P2RY8: variants seen among roughly 807,000 people sequenced by gnomAD.
P2RY8 encodes P2Y receptor family member 8, also known as S-geranylgeranyl-glutathione receptor P2RY8.
P2RY8 carries 6 observed loss-of-function variants against 10.0 expected under a neutral mutation model. The ratio of observed to expected loss-of-function variants is 0.60; its 90% CI spans 0.33 to 1.19. The LOEUF (loss-of-function observed/expected upper bound fraction) is 1.19, where lower values mean the gene tolerates loss of function less well. P2RY8 is among the 50% of genes most tolerant of loss of function. The pLI is 0.04. For missense variants in P2RY8, 456 were observed against 542.0 expected, an observed-to-expected ratio of 0.84 and a Z score of 1.58; for synonymous variants, 276 against 252.5, an observed-to-expected ratio of 1.09 and a Z score of -0.88.
intron 1 of P2RY8, among the ~76,000 whole-genome samples, chrX:1,478,433 G>C (rs2091900500): frequency 6.6e-6 from 1 of 151,920 alleles, no homozygotes; most frequent in African/African-American, 2.4e-5. Context: ...GAAGAGAGTT[G>C]GTGGTTTTCA....
chrX:1,476,102 A>C (rs761264406), intron 1 of P2RY8, among the ~76,000 whole-genome samples: 6 of 152,262 alleles, frequency 3.9e-5, no homozygotes, highest in Admixed American at 2.0e-4. Context: ...GACCCCTTCC[A>C]GCTCCAGGAG....
In P2RY8 at chrX:1,518,147, C is replaced by T. The variant is rs776390138; in HGVS notation, c.-25+18774G>A. On this transcript the variant is annotated intron_variant, in intron 1 of 1. Coordinates refer to ENST00000381297, the MANE Select transcript of P2RY8 (RefSeq NM_178129.5). ...AAAAATAAATAAAAATAATCTTGGC[C>T]GGGCGCGGTGGCTCACGCCCGTCAT... Among the ~76,000 whole-genome samples, 399 of 150,556 alleles carry T rather than the reference C, an allele frequency of 2.7e-3. 2 individuals are homozygous for T. Among genetic ancestry groups the T allele is most frequent in the African/African-American group, 9.1e-3 (374 of 40,984 alleles).
At chrX:1,530,334 A>ATATC (rs201064045) in intron 1 of P2RY8, among the ~76,000 whole-genome samples, 10,572 of 151,010 alleles carry the variant, frequency 0.07, 515 homozygotes, top group Non-Finnish European at 0.1. Context: ...ATGTATGTAC[A>ATATC]TATCTATCTA....
intron 1 of P2RY8, among the ~76,000 whole-genome samples, chrX:1,469,428 A>C (rs1174792270): frequency 6.6e-6 from 1 of 151,622 alleles, no homozygotes; most frequent in Non-Finnish European, 1.5e-5. Context: ...CGGCCTCCTA[A>C]AGTGCTGGGA....
rs34259357 is a variant in P2RY8 at position 1,464,227 on chromosome X, G to A, written c.*1252C>T. On this transcript the variant is annotated 3_prime_UTR_variant, in exon 2 of 2. Transcript: ENST00000381297. The stretch of plus-strand genomic sequence containing the variant: ...AAGAGAGCCTGGGATCCAATTCCAC[G>A]TGATGTCCCAGCACCCCTGGAGAGT... 0.076 allele frequency: 17,782 copies of A among 233,296 alleles called. 848 individuals carry two copies. The highest frequency in any genetic ancestry group is 0.1 in the Non-Finnish European group (12,227 of 118,076). 14.5% of individuals were successfully genotyped at this position (233,296 alleles called of 1,614,324 possible). A position where few individuals can be genotyped will look rare whatever the true frequency, so the allele number is the denominator to read the frequency against.
At chrX:1,535,028 T>A (rs1163929946) in intron 1 of P2RY8, among the ~76,000 whole-genome samples, 3 of 151,872 alleles carry the variant, frequency 2.0e-5, no homozygotes, top group Non-Finnish European at 4.4e-5. Flanking sequence ...GTACGTCCCA[T>A]GCACGCCTCT....
At chrX:1,524,805 TCATCCATCCATCCATCCATC>T (rs756684695) in intron 1 of P2RY8, among the ~76,000 whole-genome samples, 2,098 of 76,860 alleles carry the variant, frequency 0.027, 75 homozygotes, top group African/African-American at 0.098. Context: ...ATCCATCCAC[TCATCCATCCATCCATCCATC>T]CATCCATCCA....
chrX:1,494,282 A>T (rs2092096204), intron 1 of P2RY8: 1 of 152,190 alleles, frequency 6.6e-6, no homozygotes, highest in African/African-American at 2.4e-5. Context: ...TGGGAAAAAA[A>T]TCCCACTGGC....
chrX:1,471,343 A>T (rs867138348), intron 1 of P2RY8, among the ~76,000 whole-genome samples: 206 of 67,512 alleles, frequency 3.1e-3, no homozygotes, highest in African/African-American at 0.013. Flanking sequence ...TAATTTTAGT[A>T]ACGACGGGGT....
At chrX:1,480,992 C>G (rs754840952) in intron 1 of P2RY8, among the ~76,000 whole-genome samples, 1 of 151,940 alleles carries the variant, frequency 6.6e-6, no homozygotes, top group Non-Finnish European at 1.5e-5. Context: ...CACTCCATGT[C>G]GTAGCTCATC....
intron 1 of P2RY8, among the ~76,000 whole-genome samples, chrX:1,481,043 C>T (rs1191335208): frequency 6.6e-6 from 1 of 152,016 alleles, no homozygotes; most frequent in African/African-American, 2.4e-5. Flanking sequence ...TGCCGGCCGA[C>T]AGGTCTCAGG....
intron 1 of P2RY8, among the ~76,000 whole-genome samples, chrX:1,475,272 T>A (rs1288037399): frequency 1.4e-5 from 2 of 147,584 alleles, no homozygotes; most frequent in Non-Finnish European, 3.0e-5. Context: ...GATGGATGGA[T>A]GAGTGGGTAG....
At chrX:1,533,514 A>G (rs1209401599) in intron 1 of P2RY8, among the ~76,000 whole-genome samples, 2 of 136,982 alleles carry the variant, frequency 1.5e-5, no homozygotes, top group Non-Finnish European at 3.1e-5. Context: ...ATTTAAATGT[A>G]TTGTATATTT....
rs2091630157 is a variant in P2RY8, at chrX:1,464,288, T to TG, written c.*1190dup. On this transcript the variant is annotated 3_prime_UTR_variant, in exon 2 of 2. Transcript: ENST00000381297. ...CTTTGCGCTAAACCAGCTCAGGTGT[T>TG]GGGGCTGGTGCAGGCACATGCCGTG... 1 of 233,326 alleles carries TG rather than the reference T, an allele frequency of 4.3e-6. No individual in the cohort carries two copies. Among genetic ancestry groups the TG allele is most frequent in the Non-Finnish European group, 8.5e-6 (1 of 118,084 alleles). The allele number at this position is 233,326 out of a possible 1,614,324, so 14.5% of individuals were successfully genotyped here. A position where few individuals can be genotyped will look rare whatever the true frequency, so the allele number is the denominator to read the frequency against.
intron 1 of P2RY8, among the ~76,000 whole-genome samples, chrX:1,486,370 A>C (rs1216740467): frequency 6.6e-6 from 1 of 152,228 alleles, no homozygotes; most frequent in African/African-American, 2.4e-5. Context: ...CACACAGTGG[A>C]ATAGTATACA....
rs763219676 is a variant in P2RY8 at position 1,537,095 on chromosome X, C to T, written c.-199G>A. ...TGAGAAGGTGTTCGTGGGCGGCAGA[C>T]GGCTGCCCTTCCAGTTCCATCTGTC... On this transcript the variant is annotated 5_prime_UTR_variant, in exon 1 of 2. Transcript: ENST00000381297. The T allele has an allele frequency of 5.2e-5, 12 of 232,576 alleles. No homozygotes were observed. In the South Asian group the frequency reaches 1.4e-3, roughly 28 times the overall value. 14.4% of individuals were successfully genotyped at this position (232,576 alleles called of 1,614,324 possible).
At chrX:1,497,221 C>CA (rs555047911) in intron 1 of P2RY8, among the ~76,000 whole-genome samples, 49,803 of 83,804 alleles carry the variant, frequency 0.59, 12,181 homozygotes, top group East Asian at 0.69. Flanking sequence ...GACTCCGTCT[C>CA]AAAAAAAAAA....
At chrX:1,511,871 T>C (rs1391634606) in intron 1 of P2RY8, among the ~76,000 whole-genome samples, 2 of 152,186 alleles carry the variant, frequency 1.3e-5, no homozygotes, top group African/African-American at 4.8e-5. Context: ...TTCCCCCACC[T>C]GAGTCCTCTC....
rs369457414 is a variant in P2RY8, at chrX:1,491,094, G to C, written c.-24-24512C>G. On this transcript the variant is annotated intron_variant, in intron 1 of 1. Coordinates refer to ENST00000381297, the MANE Select transcript of P2RY8 (RefSeq NM_178129.5). ...ATACCCAGATATTCCCTGCAAATGTGGGGGGAATGAATGAATGACATCCAG... is the reference window on the plus strand; with the variant it reads ...ATACCCAGATATTCCCTGCAAATGTCGGGGGAATGAATGAATGACATCCAG... Among the ~76,000 whole-genome samples, 291 of 149,232 alleles carry C rather than the reference G, an allele frequency of 1.9e-3. 3 individuals are homozygous for C. The East Asian group carries it at 0.056, about 28-fold the overall frequency.
Sources: gnomAD v4.1 joint callset for allele counts (sites outside exome capture counted in the v4.1 genomes callset) on GRCh38, gnomAD v4.1.1 for gene constraint, MANE v1.5 for transcripts, NCBI Gene and HGNC (gene_info 2026-07-23, HGNC 2026-07-21) for gene names.